The following CAST variants were observed in gnomAD, a reference collection of about 807,000 sequenced individuals.
The protein encoded by CAST is calpastatin.
In CAST, 76 loss-of-function variants were observed where a neutral mutation model predicts 119.6. That is an observed-to-expected ratio of 0.64 (90% CI 0.53 to 0.77). The LOEUF is 0.77. Among genes scored for constraint, CAST ranks in the 30% least tolerant of loss-of-function variants. CAST has a pLI of 0.00. For missense variants in CAST, 953 were observed against 946.5 expected, an observed-to-expected ratio of 1.01 and a Z score of -0.09; for synonymous variants, 319 against 331.6, an observed-to-expected ratio of 0.96 and a Z score of 0.41.
chr5:96,736,560 C>G (rs1259827456), intron 10 of CAST, among the ~76,000 whole-genome samples: 1 of 151,962 alleles, frequency 6.6e-6, no homozygotes, highest in Non-Finnish European at 1.5e-5. Context: ...AAGTAAGGTA[C>G]TTCTTTTTTT....
chr5:96,410,828 G>A, the CAST span: 11 of 1,614,122 alleles, frequency 6.8e-6, no homozygotes, highest in Non-Finnish European at 9.3e-6. Context: ...GTGTGGAGGA[G>A]CACTTCTCAG....
intron 1 of CAST, among the ~76,000 whole-genome samples, chr5:96,534,737 G>A (rs111408277): frequency 7.5e-3 from 106 of 14,168 alleles, no homozygotes; most frequent in South Asian, 0.012. Context: ...GAGAGAGAGA[G>A]AGAGAAAGAA....
At chr5:96,704,949 C>T (rs1010348320) in intron 3 of CAST, among the ~76,000 whole-genome samples, 10 of 152,258 alleles carry the variant, frequency 6.6e-5, no homozygotes, top group Middle Eastern at 3.4e-3. Context: ...AATGTCAGAG[C>T]GTGACCGAAA....
At chr5:96,680,955 A>G (rs1751339932) in intron 2 of CAST, among the ~76,000 whole-genome samples, 1 of 152,244 alleles carries the variant, frequency 6.6e-6, no homozygotes, top group Non-Finnish European at 1.5e-5. Context: ...AGCTGCACCG[A>G]GGCAGTCATG....
At chr5:96,533,319 C>T (rs1229263953) in intron 1 of CAST, among the ~76,000 whole-genome samples, 1 of 152,010 alleles carries the variant, frequency 6.6e-6, no homozygotes, top group African/African-American at 2.4e-5. Context: ...AGCTGTAATG[C>T]AGAACTACCA....
At chr5:96,568,564 C>CAAA (rs70981830) in intron 1 of CAST, among the ~76,000 whole-genome samples, 76 of 70,770 alleles carry the variant, frequency 1.1e-3, no homozygotes, top group Non-Finnish European at 1.4e-3. Flanking sequence ...GACTCCATCT[C>CAAA]AAAAAAAAAA....
At chr5:96,620,790 G>T (rs999863653) in intron 1 of CAST, among the ~76,000 whole-genome samples, 2 of 152,100 alleles carry the variant, frequency 1.3e-5, no homozygotes, top group African/African-American at 2.4e-5. Context: ...ATAGCTTTTG[G>T]GGGGATTACC....
chr5:96,393,335 G>C, the CAST span: 3 of 1,613,946 alleles, frequency 1.9e-6, no homozygotes, highest in African/African-American at 4.0e-5. Flanking sequence ...GGGGCTTTTG[G>C]ACACCAGGGT....
chr5:96,062,252 C>T, the CAST span, among the ~76,000 whole-genome samples: 2 of 152,052 alleles, frequency 1.3e-5, no homozygotes, highest in Non-Finnish European at 2.9e-5. Context: ...AATACCATAC[C>T]ACCCAGAAAC....
chr5:96,099,123 C>T, the CAST span, among the ~76,000 whole-genome samples: 2 of 151,968 alleles, frequency 1.3e-5, no homozygotes, highest in African/African-American at 4.8e-5. Context: ...GGCTCTTGGC[C>T]GGACTGTTGT....
intron 1 of CAST, among the ~76,000 whole-genome samples, chr5:96,589,647 G>A (rs978415595): frequency 3.3e-5 from 5 of 152,110 alleles, no homozygotes; most frequent in African/African-American, 9.7e-5. Context: ...TACAATTTGA[G>A]GAGAAAGGAT....
the CAST span, among the ~76,000 whole-genome samples, chr5:96,403,902 A>T: frequency 4.9e-4 from 75 of 152,208 alleles, no homozygotes; most frequent in Non-Finnish European, 8.2e-4. Flanking sequence ...AGGTTTTAAT[A>T]AGACCAGAAG....
intron 4 of CAST, among the ~76,000 whole-genome samples, chr5:96,724,612 C>T (rs992714536): frequency 2.0e-5 from 3 of 152,132 alleles, no homozygotes; most frequent in African/African-American, 7.2e-5. Context: ...GGGAGGATCG[C>T]TTGAGCCCAG....
chr5:96,065,007 T>C, the CAST span, among the ~76,000 whole-genome samples: 2 of 152,178 alleles, frequency 1.3e-5, no homozygotes, highest in South Asian at 4.1e-4. Context: ...TATTTGGGTA[T>C]ATTTCTGGAT....
At chr5:96,118,142 T>G in the CAST span, among the ~76,000 whole-genome samples, 11 of 152,196 alleles carry the variant, frequency 7.2e-5, no homozygotes, top group Non-Finnish European at 1.5e-4. Flanking sequence ...GTTTGGAAGG[T>G]CCAAGTTCCA....
At chr5:96,095,593 A>G in the CAST span, among the ~76,000 whole-genome samples, 9 of 144,378 alleles carry the variant, frequency 6.2e-5, no homozygotes, top group Admixed American at 1.4e-4. Context: ...AAAAAGACCT[A>G]TTATATGAAA....
the CAST span, among the ~76,000 whole-genome samples, chr5:96,453,680 C>T: frequency 6.2e-3 from 951 of 152,226 alleles, 2 homozygotes; most frequent in Middle Eastern, 0.01. Flanking sequence ...ATAATTGTTT[C>T]CAAAGCATGC....
At chr5:96,512,246 A>G in the CAST span, among the ~76,000 whole-genome samples, 5 of 152,252 alleles carry the variant, frequency 3.3e-5, no homozygotes, top group Non-Finnish European at 5.9e-5. Flanking sequence ...TAAAACTGTT[A>G]CCAATGCATG....
chr5:96,495,103 C>T, the CAST span, among the ~76,000 whole-genome samples: 2 of 137,196 alleles, frequency 1.5e-5, no homozygotes, highest in Admixed American at 1.5e-4. Context: ...CCAGCCTGGG[C>T]GTCAGAGCGA....
Sources: gnomAD v4.1 joint callset for allele counts (sites outside exome capture counted in the v4.1 genomes callset) on GRCh38, gnomAD v4.1.1 for gene constraint, MANE v1.5 for transcripts, NCBI Gene and HGNC (gene_info 2026-07-23, HGNC 2026-07-21) for gene names.